Variants in TNNI3K observed in about 807,000 individuals in gnomAD.
The protein encoded by TNNI3K is TNNI3 interacting kinase.
In TNNI3K, 140 loss-of-function variants were observed where a neutral mutation model predicts 114.5. That is an observed-to-expected ratio of 1.22 (90% CI 1.07 to 1.41). The LOEUF (loss-of-function observed/expected upper bound fraction) is 1.41, where lower values mean the gene tolerates loss of function less well. Among genes scored for constraint, TNNI3K ranks in the 40% most tolerant of loss-of-function variants. The probability of loss-of-function intolerance (pLI) is 0.00; values close to 1 mark genes in which losing one functional copy is unlikely to be tolerated. For missense variants in TNNI3K, 1,125 were observed against 1,007.6 expected, an observed-to-expected ratio of 1.12 and a Z score of -1.58; for synonymous variants, 347 against 347.5, an observed-to-expected ratio of 1.00 and a Z score of 0.02.
chr1:74,268,046 G>A (rs1656110910), intron 4 of TNNI3K, among the ~76,000 whole-genome samples: 1 of 151,812 alleles, frequency 6.6e-6, no homozygotes, highest in South Asian at 2.1e-4. Context: ...GAATAAAAGA[G>A]TATCCATCTT....
At chr1:74,418,737 G>A (rs1244929280) in intron 17 of TNNI3K, among the ~76,000 whole-genome samples, 1 of 150,634 alleles carries the variant, frequency 6.6e-6, no homozygotes, top group Non-Finnish European at 1.5e-5. Context: ...CATTCTTCTA[G>A]ATGTTCAAGA....
At chr1:74,366,132 G>A (rs1008764351) in intron 11 of TNNI3K, among the ~76,000 whole-genome samples, 3 of 151,928 alleles carry the variant, frequency 2.0e-5, no homozygotes, top group African/African-American at 7.2e-5. Context: ...TAAGCTAGAT[G>A]TATGCTTAAC....
intron 17 of TNNI3K, among the ~76,000 whole-genome samples, chr1:74,415,095 C>T (rs185528894): frequency 3.3e-5 from 5 of 152,274 alleles, no homozygotes; most frequent in Non-Finnish European, 7.3e-5. Flanking sequence ...ACGACGGGGC[C>T]TCTATTTTGT....
chr1:74,288,816 G>A (rs1455348178), intron 5 of TNNI3K, among the ~76,000 whole-genome samples: 3 of 151,990 alleles, frequency 2.0e-5, no homozygotes, highest in Non-Finnish European at 4.4e-5. Flanking sequence ...ATGATCATTA[G>A]GTTGGTTGTG....
Position 74,300,405 on chromosome 1 carries a change from T to A in TNNI3K, c.444+28697T>A, listed in dbSNP as rs190980720. 2.6e-3 allele frequency among the ~76,000 whole-genome samples: 397 copies of A among 152,322 alleles called. 4 individuals carry two copies. The highest frequency in any genetic ancestry group is 9.0e-3 in the African/African-American group (376 of 41,568). ...ATAAACATAATTTTTAGGGTTTTAT[T>A]TAAATATAACTAAGATATATGTTAT... On this transcript the variant is annotated intron_variant, in intron 5 of 24. Transcript: ENST00000326637.
At chr1:74,361,999 A>T (rs146031948) in intron 11 of TNNI3K, among the ~76,000 whole-genome samples, 22 of 152,232 alleles carry the variant, frequency 1.4e-4, no homozygotes, top group Non-Finnish European at 2.6e-4. Context: ...AATGGGTCAA[A>T]GGGGATGTGA....
At chr1:74,463,930 T>A (rs756544297) in intron 21 of TNNI3K, among the ~76,000 whole-genome samples, 12 of 152,232 alleles carry the variant, frequency 7.9e-5, no homozygotes, top group Non-Finnish European at 1.3e-4. Context: ...GGCCTCAGAA[T>A]AGGTGGTCTT....
chr1:74,372,357 C>T (rs950459693), intron 17 of TNNI3K: 1 of 151,716 alleles, frequency 6.6e-6, no homozygotes, highest in Non-Finnish European at 1.5e-5. Context: ...TCAGACTGCC[C>T]TCAGCTATTT....
chr1:74,320,121 G>A (rs1039253400), intron 5 of TNNI3K, among the ~76,000 whole-genome samples: 3 of 152,068 alleles, frequency 2.0e-5, no homozygotes, highest in Non-Finnish European at 4.4e-5. Context: ...TATTTTTATT[G>A]TAGGCTTCTA....
At chr1:74,441,060 G>T (rs1666355768) in intron 20 of TNNI3K, among the ~76,000 whole-genome samples, 1 of 151,944 alleles carries the variant, frequency 6.6e-6, no homozygotes, top group Non-Finnish European at 1.5e-5. Context: ...TTAAACCACT[G>T]CAATAGTCTT....
intron 23 of TNNI3K, among the ~76,000 whole-genome samples, chr1:74,506,573 A>G (rs1191617295): frequency 1.3e-5 from 2 of 152,202 alleles, no homozygotes; most frequent in Non-Finnish European, 2.9e-5. Flanking sequence ...TTTGAATTGG[A>G]TGCTTGCTAT....
At chr1:74,324,194 C>T (rs1659775810) in intron 5 of TNNI3K, among the ~76,000 whole-genome samples, 1 of 152,210 alleles carries the variant, frequency 6.6e-6, no homozygotes, top group Non-Finnish European at 1.5e-5. Context: ...TTGCTTCTCT[C>T]ACAGGAAACT....
chr1:74,473,794 G>T (rs1002172574), intron 21 of TNNI3K, among the ~76,000 whole-genome samples: 1 of 152,138 alleles, frequency 6.6e-6, no homozygotes, highest in African/African-American at 2.4e-5. Context: ...AACAAATTAT[G>T]TTGGGGAAAG....
intron 20 of TNNI3K, among the ~76,000 whole-genome samples, chr1:74,450,199 G>T (rs1666923436): frequency 1.3e-5 from 2 of 151,106 alleles, no homozygotes; most frequent in African/African-American, 4.9e-5. Flanking sequence ...GATGTTCTTT[G>T]AAACCAACAA....
At chr1:74,242,498 G>A (rs1047269274) in intron 2 of TNNI3K, among the ~76,000 whole-genome samples, 1 of 152,010 alleles carries the variant, frequency 6.6e-6, no homozygotes, top group Non-Finnish European at 1.5e-5. Context: ...AAGATGAATA[G>A]CACTGGAAAC....
At position 74,354,093 on chromosome 1, in the gene TNNI3K, G is replaced by C; in HGVS notation, c.1141G>C (p.Asp381His). The C allele has an allele frequency of 6.2e-7, 1 of 1,614,066 alleles. No individual in the cohort carries two copies. Among genetic ancestry groups the C allele is most frequent in the Non-Finnish European group, 8.5e-7 (1 of 1,179,998 alleles). ...TCCCAGCAGGTCTAGTGGTGAAAAA[G>C]ATGAGCAGACATGTTTGATGTGGGC... ...CDPSRSSGEKDEQTCLMWAYE... is the reference protein window; with the variant it reads ...CDPSRSSGEKHEQTCLMWAYE... The change falls in exon 11 of 25, where the codon GAT becomes CAT. Residue 381 changes from aspartate to histidine, a missense_variant. Coordinates refer to ENST00000326637, the MANE Select transcript of TNNI3K (RefSeq NM_015978.3).
At chr1:74,502,781 G>C (rs17095463) in intron 23 of TNNI3K, among the ~76,000 whole-genome samples, 15,810 of 152,198 alleles carry the variant, frequency 0.1, 2,185 homozygotes, top group African/African-American at 0.32. Context: ...ACCTGCCTGT[G>C]CTGATACAGA....
intron 11 of TNNI3K, among the ~76,000 whole-genome samples, chr1:74,364,853 G>A (rs1318738114): frequency 2.0e-5 from 3 of 151,990 alleles, no homozygotes; most frequent in African/African-American, 7.2e-5. Flanking sequence ...TATCTCCTAA[G>A]GCCTCTAGAA....
intron 19 of TNNI3K, 49 bp from the exon 20 acceptor site, chr1:74,439,441 A>G (rs1206936135): frequency 1.9e-6 from 3 of 1,595,650 alleles, no homozygotes; most frequent in Non-Finnish European, 2.6e-6. Flanking sequence ...TCTGCAGTGG[A>G]AGAACCAAAC....
Sources: allele counts gnomAD v4.1 joint callset (sites outside exome capture counted in the v4.1 genomes callset), GRCh38; gene constraint gnomAD v4.1.1; transcripts MANE v1.5; gene names NCBI Gene and HGNC (gene_info 2026-07-23, HGNC 2026-07-21).